Variants in RAB38 observed in about 807,000 individuals in gnomAD.
RAB38 encodes ras-related protein Rab-38.
In RAB38, 15 loss-of-function variants were observed where a neutral mutation model predicts 18.4. The ratio of observed to expected loss-of-function variants is 0.82; its 90% CI spans 0.55 to 1.26. The LOEUF is 1.26. RAB38 is among the 50% of genes most tolerant of loss of function. The probability of loss-of-function intolerance (pLI) is 0.00; values close to 1 mark genes in which losing one functional copy is unlikely to be tolerated. For missense variants in RAB38, 294 were observed against 267.4 expected (o/e 1.10, Z -0.69); for synonymous variants, 101 against 104.4 (o/e 0.97, Z 0.20).
chr11:87,875,758 T>C, the RAB38 span, among the ~76,000 whole-genome samples: 1 of 151,582 alleles, frequency 6.6e-6, no homozygotes, highest in Non-Finnish European at 1.5e-5. Context: ...AACATTTTAT[T>C]TTTAAAATTT....
At chr11:88,095,245 C>T in the RAB38 span, among the ~76,000 whole-genome samples, 2 of 151,980 alleles carry the variant, frequency 1.3e-5, no homozygotes, top group South Asian at 2.1e-4. Context: ...GACATAATCC[C>T]ATTTCTCTGC....
the RAB38 span, among the ~76,000 whole-genome samples, chr11:88,028,844 G>T: frequency 6.6e-6 from 1 of 152,122 alleles, no homozygotes; most frequent in African/African-American, 2.4e-5. Context: ...ATCTAGCAAG[G>T]CAGGCCAACA....
At chr11:88,144,804 G>T (rs1942960927) in intron 2 of RAB38, among the ~76,000 whole-genome samples, 1 of 151,982 alleles carries the variant, frequency 6.6e-6, no homozygotes, top group Non-Finnish European at 1.5e-5. Flanking sequence ...AGAGCTGGAA[G>T]CACTGGAGGT....
chr11:87,860,095 A>G, the RAB38 span, among the ~76,000 whole-genome samples: 1 of 151,980 alleles, frequency 6.6e-6, no homozygotes, highest in South Asian at 2.1e-4. Flanking sequence ...ATTCTAACAA[A>G]GGTGATTTAG....
the RAB38 span, among the ~76,000 whole-genome samples, chr11:88,047,555 T>C: frequency 6.6e-6 from 1 of 152,228 alleles, no homozygotes; most frequent in Admixed American, 6.5e-5. Flanking sequence ...ATATTTATAC[T>C]GACTCTAAAT....
At chr11:87,947,563 G>C in the RAB38 span, among the ~76,000 whole-genome samples, 2 of 151,866 alleles carry the variant, frequency 1.3e-5, no homozygotes, top group Admixed American at 6.6e-5. Context: ...ATTAATTTTT[G>C]TATAAAGTGT....
chr11:88,067,845 C>G, the RAB38 span, among the ~76,000 whole-genome samples: 1 of 151,722 alleles, frequency 6.6e-6, no homozygotes, highest in African/African-American at 2.4e-5. Context: ...CAGCAAACCA[C>G]CGTGGCACAT....
chr11:87,945,229 C>A, the RAB38 span, among the ~76,000 whole-genome samples: 1 of 152,090 alleles, frequency 6.6e-6, no homozygotes, highest in African/African-American at 2.4e-5. Context: ...GAATTTTCTA[C>A]AATTTTGCAA....
At chr11:87,869,808 T>C in the RAB38 span, among the ~76,000 whole-genome samples, 1 of 151,634 alleles carries the variant, frequency 6.6e-6, no homozygotes, top group Non-Finnish European at 1.5e-5. Context: ...CTTCAGTATA[T>C]ACAAATGAAG....
the RAB38 span, among the ~76,000 whole-genome samples, chr11:87,826,085 T>C: frequency 1.3e-5 from 2 of 152,048 alleles, no homozygotes; most frequent in South Asian, 4.1e-4. Context: ...AGACAATAGA[T>C]GTTTAAAATG....
At chr11:87,959,692 G>A in the RAB38 span, among the ~76,000 whole-genome samples, 2 of 152,170 alleles carry the variant, frequency 1.3e-5, no homozygotes, top group Non-Finnish European at 2.9e-5. Flanking sequence ...AGCAACTTTT[G>A]CATCACTTCT....
the RAB38 span, among the ~76,000 whole-genome samples, chr11:88,029,349 A>C: frequency 1.3e-5 from 2 of 151,214 alleles, no homozygotes; most frequent in African/African-American, 4.9e-5. Flanking sequence ...AGCTAACATC[A>C]AAATGACAGG....
chr11:87,906,248 A>G, the RAB38 span, among the ~76,000 whole-genome samples: 26 of 152,108 alleles, frequency 1.7e-4, no homozygotes, highest in African/African-American at 6.3e-4. Flanking sequence ...AGCTTCAAGA[A>G]GACAGTCAAT....
chr11:88,163,689 A>T (rs1943213920), intron 1 of RAB38, among the ~76,000 whole-genome samples: 1 of 152,190 alleles, frequency 6.6e-6, no homozygotes, highest in Non-Finnish European at 1.5e-5. Flanking sequence ...TATAGAACAA[A>T]AGATGGATGG....
the RAB38 span, among the ~76,000 whole-genome samples, chr11:87,824,885 A>G: frequency 4.9e-4 from 75 of 152,290 alleles, no homozygotes; most frequent in African/African-American, 1.4e-3. Context: ...AGAGCCTATC[A>G]AGTACCTAAC....
the RAB38 span, among the ~76,000 whole-genome samples, chr11:88,015,106 T>A: frequency 6.6e-6 from 1 of 151,936 alleles, no homozygotes. Context: ...CAATGTTGAG[T>A]CTTGGTGATA....
chr11:88,074,045 C>T, the RAB38 span, among the ~76,000 whole-genome samples: 1 of 123,262 alleles, frequency 8.1e-6, no homozygotes, highest in Non-Finnish European at 1.8e-5. Flanking sequence ...AGAAAATTCC[C>T]TAAAAAAAAA....
intron 1 of RAB38, among the ~76,000 whole-genome samples, chr11:88,154,175 T>G (rs11607410): frequency 0.25 from 37,603 of 152,040 alleles, 4,699 homozygotes; most frequent in Admixed American, 0.27. Flanking sequence ...GGAGACATTG[T>G]GAGGAAAAGA....
chr11:88,099,815 G>A, the RAB38 span, among the ~76,000 whole-genome samples: 36 of 151,644 alleles, frequency 2.4e-4, no homozygotes, highest in Non-Finnish European at 4.6e-4. Context: ...CATGTCTTTC[G>A]CTTGGTGATA....
Sources: gnomAD v4.1 joint callset for allele counts (sites outside exome capture counted in the v4.1 genomes callset) on GRCh38, gnomAD v4.1.1 for gene constraint, MANE v1.5 for transcripts, NCBI Gene and HGNC (gene_info 2026-07-23, HGNC 2026-07-21) for gene names.